Variants in LINGO2 observed in about 807,000 individuals in gnomAD.
The protein encoded by LINGO2 is leucine-rich repeat and immunoglobulin-like domain-containing nogo receptor-interacting protein 2.
In LINGO2, 14 loss-of-function variants were observed where a neutral mutation model predicts 30.6. The ratio of observed to expected loss-of-function variants is 0.46; its 90% CI spans 0.30 to 0.72. The LOEUF (loss-of-function observed/expected upper bound fraction) is 0.72. Ranked by LOEUF, LINGO2 falls within the 30% of genes least tolerant of loss-of-function variation. The pLI, the probability that LINGO2 is intolerant of heterozygous loss-of-function variation, is 0.07. For missense variants in LINGO2, 729 were observed against 751.7 expected (o/e 0.97, Z 0.35); for synonymous variants, 317 against 288.5 (o/e 1.10, Z -1.00).
chr9:28,019,610 C>G (rs956664252), intron 4 of LINGO2, among the ~76,000 whole-genome samples: 3 of 152,008 alleles, frequency 2.0e-5, no homozygotes, highest in Non-Finnish European at 4.4e-5. Flanking sequence ...CAGAATTGAG[C>G]AGGGCTTATC....
At chr9:28,133,742 G>A (rs1368048596) in intron 4 of LINGO2, among the ~76,000 whole-genome samples, 1 of 151,966 alleles carries the variant, frequency 6.6e-6, no homozygotes, top group South Asian at 2.1e-4. Flanking sequence ...TTCTTTCCTG[G>A]CTCCTTAATT....
the LINGO2 span, among the ~76,000 whole-genome samples, chr9:28,808,226 T>G: frequency 4.6e-5 from 7 of 152,206 alleles, no homozygotes; most frequent in Non-Finnish European, 1.0e-4. Context: ...CTGCCATGAA[T>G]CCTTAGTCAT....
chr9:28,917,026 G>A, the LINGO2 span, among the ~76,000 whole-genome samples: 188 of 152,192 alleles, frequency 1.2e-3, 1 homozygote, highest in African/African-American at 3.8e-3. Context: ...TCCCACATCC[G>A]TTGCTGCATT....
At chr9:28,766,878 C>T in the LINGO2 span, among the ~76,000 whole-genome samples, 1 of 145,998 alleles carries the variant, frequency 6.8e-6, no homozygotes, top group Non-Finnish European at 1.5e-5. Context: ...GATATCCTGC[C>T]ATTTGTGACA....
intron 4 of LINGO2, among the ~76,000 whole-genome samples, chr9:28,156,396 G>A (rs1828131805): frequency 6.6e-6 from 1 of 152,202 alleles, no homozygotes; most frequent in South Asian, 2.1e-4. Flanking sequence ...GCACCAGGCA[G>A]TGTGGTAGAC....
chr9:27,980,241 A>C (rs1446111729), intron 5 of LINGO2, among the ~76,000 whole-genome samples: 2 of 151,962 alleles, frequency 1.3e-5, no homozygotes. Flanking sequence ...AAGGCACTCA[A>C]ACGTGCAGGA....
At position 28,054,981 on chromosome 9, in the gene LINGO2, C is replaced by T. The variant is rs181467014; in HGVS notation, c.-86-42576G>A. On this transcript the variant is annotated intron_variant, in intron 4 of 5. Transcript: ENST00000379992. ...TAAATGTGAATACTCCTTACATAAG[C>T]TTTACTGAAATTTAATTTGCTTTCT... 1.5e-4 allele frequency among the ~76,000 whole-genome samples: 23 copies of T among 152,096 alleles called. 1 individual carries two copies. Among genetic ancestry groups the T allele is most frequent in the Admixed American group, 1.5e-3 (23 of 15,266 alleles).
intron 3 of LINGO2, among the ~76,000 whole-genome samples, chr9:28,333,614 T>C (rs1825495285): frequency 6.6e-6 from 1 of 152,116 alleles, no homozygotes; most frequent in African/African-American, 2.4e-5. Context: ...TTAAACCAAA[T>C]TGAAAACCAG....
At chr9:28,920,259 T>C in the LINGO2 span, among the ~76,000 whole-genome samples, 1 of 152,062 alleles carries the variant, frequency 6.6e-6, no homozygotes, top group Non-Finnish European at 1.5e-5. Flanking sequence ...AATAATTTGA[T>C]TTCATAATAC....
the LINGO2 span, among the ~76,000 whole-genome samples, chr9:28,895,559 C>T: frequency 2.0e-5 from 3 of 152,124 alleles, no homozygotes; most frequent in Non-Finnish European, 2.9e-5. Context: ...TCCTTTAAAA[C>T]CTTTGTCTTC....
At chr9:28,010,658 A>G (rs1281156257) in intron 5 of LINGO2, among the ~76,000 whole-genome samples, 1 of 152,214 alleles carries the variant, frequency 6.6e-6, no homozygotes, top group Non-Finnish European at 1.5e-5. Context: ...CTGTTTTAAA[A>G]TCAATCAAGG....
chr9:28,771,452 G>GGTGTGTGTGTGT, the LINGO2 span, among the ~76,000 whole-genome samples: 3 of 120,288 alleles, frequency 2.5e-5, no homozygotes, highest in Non-Finnish European at 3.6e-5. Flanking sequence ...TTTCCTATTT[G>GGTGTGTGTGTGT]GTGTGTGTGT....
At chr9:29,008,828 T>C in the LINGO2 span, among the ~76,000 whole-genome samples, 1 of 152,136 alleles carries the variant, frequency 6.6e-6, no homozygotes, top group Non-Finnish European at 1.5e-5. Context: ...AAAAAGCTTA[T>C]CCACCATGAT....
intron 1 of LINGO2, among the ~76,000 whole-genome samples, chr9:28,613,036 T>G (rs893507856): frequency 6.6e-6 from 1 of 152,128 alleles, no homozygotes; most frequent in Non-Finnish European, 1.5e-5. Flanking sequence ...TGTTTGGTAG[T>G]TCCTCCGGTG....
the LINGO2 span, among the ~76,000 whole-genome samples, chr9:29,167,193 ATC>A: frequency 2.0e-5 from 3 of 152,194 alleles, no homozygotes; most frequent in East Asian, 5.8e-4. Context: ...ATAATTTAAC[ATC>A]TCTGAAAATC....
intron 1 of LINGO2, among the ~76,000 whole-genome samples, chr9:28,661,131 A>G (rs1452594544): frequency 6.6e-6 from 1 of 151,434 alleles, no homozygotes; most frequent in African/African-American, 2.4e-5. Context: ...GCTTTGACCA[A>G]TAAGATGCAG....
rs988600487 is a variant in LINGO2, at chr9:28,273,196, G to A, written c.-87+22012C>T. Among the ~76,000 whole-genome samples the A allele has an allele frequency of 3.9e-5, 6 of 152,078 alleles. No individual in the cohort carries two copies. The East Asian group carries it at 1.2e-3, about 29-fold the overall frequency. On this transcript the variant is annotated intron_variant, in intron 4 of 5. Coordinates refer to ENST00000379992, the Ensembl canonical transcript of LINGO2. ...GCGTATTGTATAAGCTGACCACACG[G>A]CCCCTTGTTCCTTAGAAGAGATTCT...
At chr9:29,080,550 A>G in the LINGO2 span, among the ~76,000 whole-genome samples, 1 of 152,006 alleles carries the variant, frequency 6.6e-6, no homozygotes, top group Non-Finnish European at 1.5e-5. Context: ...TGTCAATTTT[A>G]GATCTTTCCT....
chr9:28,886,405 A>G, the LINGO2 span, among the ~76,000 whole-genome samples: 1 of 152,140 alleles, frequency 6.6e-6, no homozygotes, highest in Non-Finnish European at 1.5e-5. Flanking sequence ...TAATTTGAAG[A>G]GCCAATTAAG....
Sources: gnomAD v4.1 joint callset for allele counts (sites outside exome capture counted in the v4.1 genomes callset) on GRCh38, gnomAD v4.1.1 for gene constraint, MANE v1.5 for transcripts, NCBI Gene and HGNC (gene_info 2026-07-23, HGNC 2026-07-21) for gene names.